UBAP2L: variants seen among roughly 807,000 people sequenced by gnomAD.
UBAP2L encodes the protein ubiquitin associated protein 2 like.
Under a neutral mutation model 130.6 loss-of-function variants are expected in UBAP2L, and 12 were observed. That is an observed-to-expected ratio of 0.09 (90% confidence interval 0.06 to 0.15). The LOEUF (loss-of-function observed/expected upper bound fraction) is 0.15. Ranked by LOEUF, UBAP2L falls within the 10% of genes least tolerant of loss-of-function variation. The pLI, the probability that UBAP2L is intolerant of heterozygous loss-of-function variation, is 1.00. For missense variants in UBAP2L, 965 were observed against 1,332.5 expected, an observed-to-expected ratio of 0.72 and a Z score of 4.29; for synonymous variants, 503 against 524.7, an observed-to-expected ratio of 0.96 and a Z score of 0.57.
intron 21 of UBAP2L, chr1:154,259,734 C>T (rs1042842317): frequency 1.4e-6 from 1 of 710,046 alleles, no homozygotes; most frequent in East Asian, 2.6e-5. Context: ...AGTGGGCATA[C>T]CCGTAGACCT....
intron 1 of UBAP2L, among the ~76,000 whole-genome samples, chr1:154,224,257 C>G (rs1667237991): frequency 6.6e-6 from 1 of 152,148 alleles, no homozygotes; most frequent in Admixed American, 6.5e-5. Context: ...CCAAATAAAA[C>G]TTTGTGCTAG....
rs533299977 is a variant in UBAP2L at position 154,241,600 on chromosome 1, TC to T, written c.756+36del. 7.7e-5 allele frequency: 124 copies of T among 1,612,600 alleles called. 1 individual carries two copies. The South Asian group carries it at 1.3e-3, about 17-fold the overall frequency. ...CCCAGGTCATTCCTCACTAATGCCT[TC>T]TATCCCTAAGTGTTGTTTAGGGATA... On this transcript the variant is annotated intron_variant, in intron 9 of 26. Coordinates refer to ENST00000428931, the MANE Select transcript of UBAP2L (RefSeq NM_014847.4).
chr1:154,257,241 C>T lies in UBAP2L; in HGVS notation c.2336C>T (p.Ser779Leu). 1 of 1,614,228 alleles carries T rather than the reference C, an allele frequency of 6.2e-7. No individual in the cohort carries two copies. The highest frequency in any genetic ancestry group is 8.5e-7 in the Non-Finnish European group (1 of 1,180,038). Residue 779 changes from serine to leucine, a missense_variant, in exon 19 of 27, where the codon TCA becomes TTA. By Grantham distance (145) the Ser-to-Leu change is moderately radical. Coordinates refer to ENST00000428931, the MANE Select transcript of UBAP2L (RefSeq NM_014847.4). Reference protein sequence around the residue: ...NSTVTASTRSSVATTSGKAPP... With the variant: ...NSTVTASTRSLVATTSGKAPP... ...ACTGTCACAGCCTCGACTCGAAGCTCAGTTGCTACGACTTCAGGTAGCCTT... is the reference window on the plus strand; with the variant it reads ...ACTGTCACAGCCTCGACTCGAAGCTTAGTTGCTACGACTTCAGGTAGCCTT...
intron 24 of UBAP2L, among the ~76,000 whole-genome samples, chr1:154,263,880 G>C (rs1682409984): frequency 6.6e-6 from 1 of 152,144 alleles, no homozygotes; most frequent in African/African-American, 2.4e-5. Context: ...ATCTTTCAAG[G>C]CTTAATTCCC....
intron 12 of UBAP2L, among the ~76,000 whole-genome samples, 194 bp from the exon 13 acceptor site, chr1:154,250,847 C>CAAA (rs1023678670): frequency 1.2e-4 from 6 of 48,940 alleles, no homozygotes; most frequent in Middle Eastern, 0.012. Flanking sequence ...ACTCCCATCT[C>CAAA]AAAAAAAAAA....
intron 2 of UBAP2L, among the ~76,000 whole-genome samples, chr1:154,225,474 T>G (rs910924569): frequency 6.6e-6 from 1 of 152,096 alleles, no homozygotes; most frequent in African/African-American, 2.4e-5. Flanking sequence ...TATCTTTTTT[T>G]TTTTTGTTTT....
At chr1:154,224,465 G>A (rs1667323412) in intron 1 of UBAP2L, among the ~76,000 whole-genome samples, 1 of 152,088 alleles carries the variant, frequency 6.6e-6, no homozygotes, top group East Asian at 1.9e-4. Context: ...CCTGTTGAAG[G>A]CTGTGGTTTA....
At chr1:154,247,796 C>T (rs1029341366) in intron 11 of UBAP2L, among the ~76,000 whole-genome samples, 2 of 151,636 alleles carry the variant, frequency 1.3e-5, no homozygotes, top group African/African-American at 4.9e-5. Context: ...TTTTTTGTTG[C>T]CTGTACTAAT....
intron 3 of UBAP2L, among the ~76,000 whole-genome samples, chr1:154,227,970 A>G (rs916674237): frequency 1.3e-5 from 2 of 152,174 alleles, no homozygotes; most frequent in Non-Finnish European, 2.9e-5. Flanking sequence ...GTGGAAATTC[A>G]TGCTGAAGCC....
chr1:154,245,842 G>C (rs1297886326), intron 10 of UBAP2L, among the ~76,000 whole-genome samples: 1 of 152,174 alleles, frequency 6.6e-6, no homozygotes. Context: ...GTGAACCCAG[G>C]AGGCAGAGCT....
chr1:154,225,760 T>C (rs1667718859), intron 2 of UBAP2L, among the ~76,000 whole-genome samples: 1 of 152,238 alleles, frequency 6.6e-6, no homozygotes, highest in Non-Finnish European at 1.5e-5. Context: ...TCCCTTCTCT[T>C]ACCTGGGCCA....
Position 154,270,837 on chromosome 1 carries a change from G to T in UBAP2L, c.*542G>T. 1 of 1,300,098 alleles carries T rather than the reference G, an allele frequency of 7.7e-7. No homozygotes were observed. The highest frequency in any genetic ancestry group is 2.5e-4 in the Middle Eastern group (1 of 3,960). The allele number at this position is 1,300,098 out of a possible 1,614,324, so 80.5% of individuals were successfully genotyped here. On this transcript the variant is annotated 3_prime_UTR_variant, in exon 27 of 27. Coordinates refer to ENST00000428931, the MANE Select transcript of UBAP2L (RefSeq NM_014847.4). ...TTAATGTGTCTTGTATATATAAAAA[G>T]AAAACCTCTACCTTCAGCCTCTGCC... is the stretch of plus-strand genomic sequence containing the variant.
At chr1:154,247,585 T>A (rs748900319) in intron 11 of UBAP2L, among the ~76,000 whole-genome samples, 1 of 152,162 alleles carries the variant, frequency 6.6e-6, no homozygotes, top group African/African-American at 2.4e-5. Flanking sequence ...TGTTTTCAGC[T>A]GGGGACAGTG....
chr1:154,266,686 C>G (rs767219949), intron 25 of UBAP2L, 118 bp downstream of exon 25: 3 of 1,050,160 alleles, frequency 2.9e-6, no homozygotes, highest in Admixed American at 3.9e-5. Context: ...GGAAACCCAT[C>G]CTACTTTTTC....
At chr1:154,237,659 T>TC (rs1672116277) in intron 8 of UBAP2L, among the ~76,000 whole-genome samples, 1 of 152,214 alleles carries the variant, frequency 6.6e-6, no homozygotes, top group Non-Finnish European at 1.5e-5. Flanking sequence ...ATCCTTTTTT[T>TC]CCCTTTATTT....
At chr1:154,250,683 G>A (rs536917513) in intron 12 of UBAP2L, among the ~76,000 whole-genome samples, 4 of 151,952 alleles carry the variant, frequency 2.6e-5, no homozygotes, top group Non-Finnish European at 2.9e-5. Context: ...ACAAAACCCC[G>A]TGTCTACTAA....
chr1:154,255,673 T>C lies in UBAP2L; in HGVS notation c.2085-10T>C, dbSNP rs1461194363. ...ACTATGGCTGATGGCAGCCTCTTTTTTTCTGACAGCACGTTATCTACGCAG... is the reference window on the plus strand; with the variant it reads ...ACTATGGCTGATGGCAGCCTCTTTTCTTCTGACAGCACGTTATCTACGCAG... On this transcript the variant is annotated splice_polypyrimidine_tract_variant and intron_variant, in intron 17 of 26. Coordinates refer to ENST00000428931, the MANE Select transcript of UBAP2L (RefSeq NM_014847.4). 1 of 1,614,066 alleles carries C rather than the reference T, an allele frequency of 6.2e-7. No homozygotes were observed. Among genetic ancestry groups the C allele is most frequent in the Non-Finnish European group, 8.5e-7 (1 of 1,180,042 alleles).
At chr1:154,256,293 G>T (rs1285068698) in intron 18 of UBAP2L, among the ~76,000 whole-genome samples, 12 of 152,140 alleles carry the variant, frequency 7.9e-5, no homozygotes, top group Admixed American at 7.9e-4. Flanking sequence ...AGGTATGAGG[G>T]CTAAGGCTCC....
At chr1:154,236,511 T>G in intron 6 of UBAP2L, 55 bp from the exon 7 acceptor site, 1 of 1,604,220 alleles carries the variant, frequency 6.2e-7, no homozygotes, top group Non-Finnish European at 8.5e-7. Flanking sequence ...GCAAGGAAGT[T>G]TTATATCAAC....
Sources: allele counts gnomAD v4.1 joint callset (sites outside exome capture counted in the v4.1 genomes callset), GRCh38; gene constraint gnomAD v4.1.1; transcripts MANE v1.5; gene names NCBI Gene and HGNC (gene_info 2026-07-23, HGNC 2026-07-21).